Variants in MGLL observed in about 807,000 individuals in gnomAD.
MGLL encodes the protein monoglyceride lipase, also known as lysophospholipase homolog.
A neutral mutation model predicts 29.1 loss-of-function variants in MGLL; 7 were observed. The ratio of observed to expected loss-of-function variants is 0.24; its 90% CI spans 0.14 to 0.45. MGLL has a LOEUF of 0.45. MGLL is among the 20% of genes least tolerant of loss of function. The pLI is 0.99. For synonymous variants in MGLL, 148 were observed against 168.3 expected, an observed-to-expected ratio of 0.88 and a Z score of 0.93; for missense variants, 356 against 413.6, an observed-to-expected ratio of 0.86 and a Z score of 1.21.
intron 3 of MGLL, among the ~76,000 whole-genome samples, chr3:127,740,613 G>T (rs1559936712): frequency 2.0e-5 from 3 of 152,154 alleles, no homozygotes; most frequent in African/African-American, 2.4e-5. Context: ...GGCAGTAGGG[G>T]GTACACCCCA....
intron 2 of MGLL, among the ~76,000 whole-genome samples, chr3:127,805,903 G>C (rs775224256): frequency 2.6e-5 from 4 of 152,212 alleles, no homozygotes; most frequent in African/African-American, 4.8e-5. Context: ...CCTTTCCAAA[G>C]GTGATACAAG....
At chr3:127,727,732 G>C (rs1172894710) in intron 3 of MGLL, among the ~76,000 whole-genome samples, 1 of 124,726 alleles carries the variant, frequency 8.0e-6, no homozygotes, top group South Asian at 2.5e-4. Context: ...AAAAAAAACA[G>C]AGCAAGAAAT....
chr3:127,728,987 G>C (rs1393821027), intron 3 of MGLL, among the ~76,000 whole-genome samples: 1 of 152,074 alleles, frequency 6.6e-6, no homozygotes, highest in East Asian at 1.9e-4. Context: ...GGTAAACTGA[G>C]TATTCATGTC....
intron 3 of MGLL, 102 bp downstream of exon 3, chr3:127,781,687 A>G (rs76504094): frequency 0.056 from 59,351 of 1,052,882 alleles, 2,337 homozygotes; most frequent in South Asian, 0.14. Context: ...TCCGTGGGGA[A>G]TAGAAGAATT....
intron 2 of MGLL, among the ~76,000 whole-genome samples, chr3:127,807,474 G>T (rs2077585823): frequency 6.6e-6 from 1 of 151,458 alleles, no homozygotes; most frequent in Non-Finnish European, 1.5e-5. Flanking sequence ...ACTAATTTCT[G>T]CTCTGATCTT....
intron 7 of MGLL, among the ~76,000 whole-genome samples, chr3:127,694,159 A>G (rs2075300512): frequency 6.6e-6 from 1 of 150,774 alleles, no homozygotes; most frequent in African/African-American, 2.4e-5. Flanking sequence ...AATCCCAGCT[A>G]CTCAGGGGGC....
At chr3:127,778,965 G>A (rs2077079558) in intron 3 of MGLL, among the ~76,000 whole-genome samples, 1 of 152,014 alleles carries the variant, frequency 6.6e-6, no homozygotes, top group Non-Finnish European at 1.5e-5. Flanking sequence ...ATGTTGCCTG[G>A]GCTGGTCTCA....
chr3:127,715,442 T>C, intron 5 of MGLL: 1 of 339,200 alleles, frequency 2.9e-6, no homozygotes, highest in African/African-American at 2.1e-5. Context: ...TAAAACAAAT[T>C]AGGTGTTTAG....
intron 2 of MGLL, among the ~76,000 whole-genome samples, chr3:127,813,634 C>T (rs1000353213): frequency 2.0e-5 from 3 of 152,174 alleles, no homozygotes; most frequent in African/African-American, 7.2e-5. Flanking sequence ...AGCCCTGAGC[C>T]AGTCCTGTGG....
intron 3 of MGLL, among the ~76,000 whole-genome samples, chr3:127,757,824 G>A (rs894855645): frequency 1.4e-4 from 21 of 152,124 alleles, no homozygotes; most frequent in South Asian, 4.1e-4. Flanking sequence ...ACGTGTCATC[G>A]ACACCTTGTA....
chr3:127,723,028 A>G (rs1309780409), intron 3 of MGLL, among the ~76,000 whole-genome samples: 1 of 152,250 alleles, frequency 6.6e-6, no homozygotes. Context: ...TCAGCCCCTC[A>G]TCTTACAGTT....
At chr3:127,809,622 T>C (rs2107748870) in intron 2 of MGLL, among the ~76,000 whole-genome samples, 1 of 139,696 alleles carries the variant, frequency 7.2e-6, no homozygotes, top group Non-Finnish European at 1.6e-5. Context: ...CAAAGCCCTG[T>C]CTCTTAAAAC....
At position 127,754,329 on chromosome 3, in the gene MGLL, C is replaced by T. The variant is rs187190480; in HGVS notation, c.262+27460G>A. Among the ~76,000 whole-genome samples the T allele has an allele frequency of 5.7e-3, 852 of 150,460 alleles. 8 individuals carry two copies. Among genetic ancestry groups the T allele is most frequent in the African/African-American group, 0.02 (808 of 40,720 alleles). On this transcript the variant is annotated intron_variant, in intron 3 of 7. Coordinates refer to ENST00000265052, the MANE Select transcript of MGLL (RefSeq NM_007283.7). ...TTAGGGAATCAGTCCTGCTGTCACC[C>T]CCACAACCATAAAAGGCAAAATAAG...
In MGLL at chr3:127,822,421, G is replaced by A. The variant is rs2107767368; in HGVS notation, c.-103C>T. On this transcript the variant is annotated 5_prime_UTR_variant, in exon 1 of 8. Transcript: ENST00000265052. ...TGGGCGGCCCCAAGGCAGCAGGAAG[G>A]CAGCTCCGAGCCCTCTTCCCGCACC... 8.1e-7 allele frequency: 1 copy of A among 1,228,676 alleles called. No individual in the cohort carries two copies. The highest frequency in any genetic ancestry group is 1.2e-6 in the Non-Finnish European group (1 of 837,376). The allele number at this position is 1,228,676 out of a possible 1,614,324, so 76.1% of individuals were successfully genotyped here.
intron 2 of MGLL, among the ~76,000 whole-genome samples, chr3:127,783,091 C>T (rs2077155711): frequency 7.6e-6 from 1 of 131,134 alleles, no homozygotes; most frequent in Non-Finnish European, 1.5e-5. Context: ...TGCAGTTGAG[C>T]CAAGATTGTG....
intron 3 of MGLL, among the ~76,000 whole-genome samples, chr3:127,746,785 A>C (rs976053669): frequency 6.6e-6 from 1 of 151,992 alleles, no homozygotes; most frequent in Admixed American, 6.5e-5. Flanking sequence ...CTGGCCTTCC[A>C]GCCCTTCTCC....
At chr3:127,722,654 C>T (rs2075952666) in intron 3 of MGLL, 88 bp from the exon 4 acceptor site, 2 of 1,546,958 alleles carry the variant, frequency 1.3e-6, no homozygotes, top group South Asian at 2.2e-5. Context: ...CAATCGCTCT[C>T]TCTCCTGAGC....
chr3:127,717,456 C>T (rs949635701), intron 5 of MGLL, among the ~76,000 whole-genome samples: 2 of 152,208 alleles, frequency 1.3e-5, no homozygotes, highest in Non-Finnish European at 2.9e-5. Flanking sequence ...ATAATTTCCC[C>T]TCCTTCCAGG....
At chr3:127,798,918 C>T (rs540872795) in intron 2 of MGLL, among the ~76,000 whole-genome samples, 14 of 152,156 alleles carry the variant, frequency 9.2e-5, no homozygotes, top group Non-Finnish European at 1.6e-4. Flanking sequence ...AGCTGGAGAG[C>T]ACCCGAGGGA....
Sources: gnomAD v4.1 joint callset for allele counts (sites outside exome capture counted in the v4.1 genomes callset) on GRCh38, gnomAD v4.1.1 for gene constraint, MANE v1.5 for transcripts, NCBI Gene and HGNC (gene_info 2026-07-23, HGNC 2026-07-21) for gene names.